The following DNAH2 variants were observed in gnomAD, a reference collection of about 807,000 sequenced individuals.
The protein encoded by DNAH2 is dynein axonemal heavy chain 2.
Under a neutral mutation model 523.5 loss-of-function variants are expected in DNAH2, and 323 were observed. The ratio of observed to expected loss-of-function variants is 0.62; its 90% CI spans 0.56 to 0.68. The LOEUF is 0.68. Ranked by LOEUF, DNAH2 falls within the 30% of genes least tolerant of loss-of-function variation. DNAH2 has a pLI of 0.00. For missense variants in DNAH2, 4,907 were observed against 5,701.5 expected, an observed-to-expected ratio of 0.86 and a Z score of 4.49; for synonymous variants, 2,093 against 2,177.4, an observed-to-expected ratio of 0.96 and a Z score of 1.08.
At position 7,768,023 on chromosome 17, in the gene DNAH2, C is replaced by T. The variant is rs1230848316; in HGVS notation, c.3799C>T (p.Leu1267=). ...AACCATGGAGACCACGGCCCACGGG[C>T]TGTTTCGTCGCCTCACAAAATTAGC... is the stretch of plus-strand genomic sequence containing the variant. ...TETMETTAHG[L]FRRLTKLAKE... The change falls in exon 23 of 86, where the codon CTG becomes TTG. Residue 1267 remains leucine (L), a synonymous_variant. Coordinates refer to ENST00000572933, the MANE Select transcript of DNAH2 (RefSeq NM_020877.5). 1 of 1,614,128 alleles carries T rather than the reference C, an allele frequency of 6.2e-7. No homozygotes were observed. Among genetic ancestry groups the T allele is most frequent in the Non-Finnish European group, 8.5e-7 (1 of 1,180,030 alleles).
In DNAH2 at chr17:7,832,403, G is replaced by C. The variant is rs1371549864; in HGVS notation, c.12727-176G>C. Among the ~76,000 whole-genome samples the C allele has an allele frequency of 6.6e-6, 1 of 152,172 alleles. No individual in the cohort carries two copies. Among genetic ancestry groups the C allele is most frequent in the Non-Finnish European group, 1.5e-5 (1 of 68,038 alleles). On this transcript the variant is annotated intron_variant, in intron 82 of 85. Coordinates refer to ENST00000572933, the MANE Select transcript of DNAH2 (RefSeq NM_020877.5). This position sits in a 1 kb window ranked among gnomAD's most constrained non-coding sequence, Gnocchi z 4.3. ...TGGGCGCCTGTAATCCCAGCTACTT[G>C]GGAGGCTGAGGCAGGAGAATAGCTT...
At chr17:7,752,704 C>T (rs2075724266) in intron 12 of DNAH2, among the ~76,000 whole-genome samples, 1 of 151,776 alleles carries the variant, frequency 6.6e-6, no homozygotes, top group East Asian at 1.9e-4. Flanking sequence ...AGCAAGACTC[C>T]GTCTCAAAAA....
chr17:7,727,818 G>A (rs2074871329), intron 4 of DNAH2, among the ~76,000 whole-genome samples: 2 of 147,716 alleles, frequency 1.4e-5, no homozygotes, highest in African/African-American at 5.0e-5. Flanking sequence ...AGACATATAA[G>A]CAAATATTTA....
chr17:7,720,291 C>T (rs943093025), intron 2 of DNAH2, among the ~76,000 whole-genome samples: 1 of 152,096 alleles, frequency 6.6e-6, no homozygotes, highest in South Asian at 2.1e-4. Context: ...CCCATTAAGC[C>T]CATCACCATG....
At chr17:7,789,163 C>T (rs937717401) in intron 44 of DNAH2, among the ~76,000 whole-genome samples, 2 of 120,368 alleles carry the variant, frequency 1.7e-5, no homozygotes, top group Admixed American at 1.8e-4. Context: ...AAGACTCTGT[C>T]TCAAAAAACA....
chr17:7,806,346 A>C (rs2077365886), intron 61 of DNAH2, among the ~76,000 whole-genome samples: 1 of 152,176 alleles, frequency 6.6e-6, no homozygotes, highest in Admixed American at 6.5e-5. Flanking sequence ...TCTGTATATT[A>C]ACCAAAATTG....
chr17:7,733,616 T>A (rs1567611451), intron 5 of DNAH2, among the ~76,000 whole-genome samples: 1 of 152,074 alleles, frequency 6.6e-6, no homozygotes, highest in East Asian at 1.9e-4. Flanking sequence ...TAGCTGGGAT[T>A]ACAGGCACAT....
At chr17:7,816,539 T>C in intron 63 of DNAH2, 32 bp from the exon 64 acceptor site, 1 of 1,611,516 alleles carries the variant, frequency 6.2e-7, no homozygotes, top group Non-Finnish European at 8.5e-7. Context: ...GCGAGCCCTG[T>C]GTTTGATGCG....
At chr17:7,774,079 C>A (rs983386637) in intron 28 of DNAH2, among the ~76,000 whole-genome samples, 2 of 152,092 alleles carry the variant, frequency 1.3e-5, no homozygotes, top group African/African-American at 2.4e-5. Context: ...TGAGAACTTT[C>A]ACCTTTTCAC....
At chr17:7,777,364 C>A in intron 32 of DNAH2, 82 bp from the exon 33 acceptor site, 1 of 1,493,278 alleles carries the variant, frequency 6.7e-7, no homozygotes, top group Non-Finnish European at 9.2e-7. Flanking sequence ...GGGTTGGAAG[C>A]GGTGCTGGGT....
rs149807706 is a variant in DNAH2 at position 7,818,360 on chromosome 17, C to G, written c.10436C>G (p.Thr3479Ser). The change falls in exon 69 of 86, where the codon ACC becomes AGC. Residue 3479 changes from threonine to serine, a missense_variant. Physicochemically the swap from Thr to Ser is moderately conservative, Grantham distance 58. Coordinates refer to ENST00000572933, the MANE Select transcript of DNAH2 (RefSeq NM_020877.5). The stretch of plus-strand genomic sequence containing the variant: ...GGCGATAAGGAGGTGGAATATAATA[C>G]CAATTTCCGTTTCTACATCACCACC... ...RIGDKEVEYN[T>S]NFRFYITTKL... 1 of 1,614,180 alleles carries G rather than the reference C, an allele frequency of 6.2e-7. No homozygotes were observed. Among genetic ancestry groups the G allele is most frequent in the East Asian group, 2.2e-5 (1 of 44,880 alleles).
rs374506037 is a variant in DNAH2 at position 7,740,633 on chromosome 17, C to T, written c.1506+84C>T. ...CCTTCCGGAGGCCCTCCTGCCTCCA[C>T]GTGTGCCCTTCTCCATGTCCAGCAT... On this transcript the variant is annotated intron_variant, in intron 10 of 85. Coordinates refer to ENST00000572933, the MANE Select transcript of DNAH2 (RefSeq NM_020877.5). 30 of 1,574,994 alleles carry T rather than the reference C, an allele frequency of 1.9e-5. No individual in the cohort carries two copies. In the South Asian group the frequency reaches 2.5e-4, roughly 13 times the overall value.
chr17:7,814,944 A>G (rs999714391), intron 63 of DNAH2, among the ~76,000 whole-genome samples: 7 of 152,184 alleles, frequency 4.6e-5, no homozygotes, highest in Admixed American at 3.9e-4. Flanking sequence ...AACCTCTTTT[A>G]TATCATTTAG....
Position 7,831,156 on chromosome 17 carries a change from T to C in DNAH2, c.12301T>C (p.Leu4101=). The C allele has an allele frequency of 6.2e-7, 1 of 1,614,150 alleles. No homozygotes were observed. Among genetic ancestry groups the C allele is most frequent in the South Asian group, 1.1e-5 (1 of 91,088 alleles). The change falls in exon 80 of 86, where the codon TTA becomes CTA. Residue 4101 remains leucine, a synonymous_variant. Coordinates refer to ENST00000572933, the MANE Select transcript of DNAH2 (RefSeq NM_020877.5). The surrounding 1 kb of genome is among the most constrained non-coding windows in gnomAD (Gnocchi z 4.2). ...SLASYKEYIS[L]LPGMDPPEAF... is the part of the protein sequence containing the mutation. Reference sequence around the variant, plus strand: ...CGCTTCTTACAAGGAATACATCAGCTTATTGCCTGGCATGGACCCCCCTGA... The same window carrying C: ...CGCTTCTTACAAGGAATACATCAGCCTATTGCCTGGCATGGACCCCCCTGA...
At chr17:7,791,215 C>A (rs1306022072) in intron 44 of DNAH2, among the ~76,000 whole-genome samples, 1 of 151,892 alleles carries the variant, frequency 6.6e-6, no homozygotes, top group Non-Finnish European at 1.5e-5. Flanking sequence ...CTGGGATTAA[C>A]AGGCACCACC....
At chr17:7,777,932 G>A (rs987980531) in intron 33 of DNAH2, 145 bp from the exon 34 acceptor site, 4 of 785,988 alleles carry the variant, frequency 5.1e-6, no homozygotes, top group African/African-American at 3.5e-5. Context: ...CCCATAAACC[G>A]CTCCCCTTTT....
intron 49 of DNAH2, 33 bp downstream of exon 49, chr17:7,794,391 G>C: frequency 6.4e-7 from 1 of 1,570,658 alleles, no homozygotes; most frequent in Non-Finnish European, 8.7e-7. Context: ...AGGACGAGGG[G>C]AGGGTAGGAG....
rs748525872 is a variant in DNAH2, at chr17:7,797,546, T to C, written c.8080+16T>C. 6.2e-7 allele frequency: 1 copy of C among 1,614,118 alleles called. No homozygotes were observed. The highest frequency in any genetic ancestry group is 1.3e-5 in the African/African-American group (1 of 75,032). On this transcript the variant is annotated intron_variant, in intron 52 of 85. Coordinates refer to ENST00000572933, the MANE Select transcript of DNAH2 (RefSeq NM_020877.5). ...CCTATCTTTGGTGAGCCAGGAGCTG[T>C]GATGACCTTGGGCTTGACACTCTTA...
At chr17:7,791,843 G>C (rs1055160082) in intron 44 of DNAH2, 74 bp from the exon 45 acceptor site, 1 of 1,440,052 alleles carries the variant, frequency 6.9e-7, no homozygotes, top group African/African-American at 1.4e-5. Context: ...TCCACACTCT[G>C]GTGTCACGAG....
Sources: allele counts gnomAD v4.1 joint callset (sites outside exome capture counted in the v4.1 genomes callset), GRCh38; gene constraint gnomAD v4.1.1; non-coding constraint Gnocchi (gnomAD v3.1); transcripts MANE v1.5; gene names NCBI Gene and HGNC (gene_info 2026-07-23, HGNC 2026-07-21).